The following POLD1 variants were observed in gnomAD, a reference collection of about 807,000 sequenced individuals.
POLD1 encodes the protein DNA polymerase delta 1, catalytic subunit, also known as DNA polymerase delta catalytic subunit.
A neutral mutation model predicts 129.7 loss-of-function variants in POLD1; 79 were observed. That is an observed-to-expected ratio of 0.61 (90% confidence interval 0.51 to 0.73). The LOEUF (loss-of-function observed/expected upper bound fraction) is 0.73. Ranked by LOEUF, POLD1 falls within the 30% of genes least tolerant of loss-of-function variation. The pLI is 0.00. For missense variants in POLD1, 1,338 were observed against 1,595.8 expected, an observed-to-expected ratio of 0.84 and a Z score of 2.75; for synonymous variants, 714 against 683.3, an observed-to-expected ratio of 1.04 and a Z score of -0.70.
chr19:50,391,454 G>A (rs1437740432), intron 1 of POLD1, among the ~76,000 whole-genome samples: 10 of 152,186 alleles, frequency 6.6e-5, no homozygotes, highest in African/African-American at 1.9e-4. Context: ...CCGGCACCTC[G>A]GGAGGCCCAG....
intron 26 of POLD1, 25 bp from the exon 27 acceptor site, chr19:50,417,817 A>G: frequency 6.7e-7 from 1 of 1,482,442 alleles, no homozygotes. Flanking sequence ...GCTGGTCCTG[A>G]CCCTGCCCCT....
chr19:50,415,238 G>T (rs1329713406), intron 20 of POLD1, among the ~76,000 whole-genome samples, 200 bp from the exon 21 acceptor site: 2 of 152,150 alleles, frequency 1.3e-5, no homozygotes, highest in African/African-American at 4.8e-5. Context: ...CGGTGGTGAA[G>T]CAGTGGAAAG....
At chr19:50,397,420 T>A (rs2038410640) in intron 1 of POLD1, among the ~76,000 whole-genome samples, 1 of 150,918 alleles carries the variant, frequency 6.6e-6, no homozygotes, top group African/African-American at 2.4e-5. Flanking sequence ...TTTTTTTTTT[T>A]CTGAGACGGA....
rs1194932743 is a variant in POLD1, at chr19:50,409,269, A to C, written c.2006+34A>C. ...TGGAGATCGCCTGCTTGGAGCTCAG[A>C]CCTGTTGGGGCCTCTGGGCAATCCC... On this transcript the variant is annotated intron_variant, in intron 16 of 26. Coordinates refer to ENST00000440232, the MANE Select transcript of POLD1 (RefSeq NM_002691.4). This position sits in a 1 kb window ranked among gnomAD's most constrained non-coding sequence, Gnocchi z 5.8. The C allele has an allele frequency of 2.1e-6, 3 of 1,462,434 alleles. No individual in the cohort carries two copies. Among genetic ancestry groups the C allele is most frequent in the Admixed American group, 3.4e-5 (2 of 59,058 alleles). 90.6% of individuals were successfully genotyped at this position (1,462,434 alleles called of 1,614,324 possible).
At chr19:50,407,477 T>A in intron 14 of POLD1, 62 bp downstream of exon 14, 1 of 1,120,052 alleles carries the variant, frequency 8.9e-7, no homozygotes, top group South Asian at 1.6e-5. Flanking sequence ...GGTGGGAGGA[T>A]CACTTGAGCT....
chr19:50,401,728 T>G, intron 3 of POLD1, 50 bp from the exon 4 acceptor site: 1 of 1,601,756 alleles, frequency 6.2e-7, no homozygotes, highest in Non-Finnish European at 8.5e-7. Context: ...GAGACACACC[T>G]TGGAGGACCC....
In POLD1 at chr19:50,401,541, A is replaced by C. The variant is rs1023990217; in HGVS notation, c.317-237A>C. Among the ~76,000 whole-genome samples the C allele has an allele frequency of 4.0e-5, 6 of 151,378 alleles. 1 individual carries two copies. Among genetic ancestry groups the C allele is most frequent in the African/African-American group, 1.5e-4 (6 of 41,152 alleles). Reference sequence around the variant, plus strand: ...CAGGTGTGAGTCACTGTGCACGGCCAGTTGTTTTTATCTTGTAATAAAAAA... The same window carrying C: ...CAGGTGTGAGTCACTGTGCACGGCCCGTTGTTTTTATCTTGTAATAAAAAA... On this transcript the variant is annotated intron_variant, in intron 3 of 26. Transcript: ENST00000440232.
intron 1 of POLD1, among the ~76,000 whole-genome samples, chr19:50,388,295 T>C (rs1309348280): frequency 6.6e-6 from 1 of 152,226 alleles, no homozygotes; most frequent in Non-Finnish European, 1.5e-5. Flanking sequence ...GAACTATATA[T>C]ACTTTAAATG....
intron 1 of POLD1, chr19:50,395,262 C>A (rs1364913138): frequency 1.4e-5 from 2 of 147,742 alleles, no homozygotes; most frequent in African/African-American, 5.2e-5. Flanking sequence ...TTAAAAACTT[C>A]TTTCTCTGAC....
chr19:50,384,810 C>T (rs1274774472), intron 1 of POLD1, among the ~76,000 whole-genome samples: 3 of 152,186 alleles, frequency 2.0e-5, no homozygotes, highest in Non-Finnish European at 4.4e-5. Context: ...TTTAATAGAT[C>T]AGTAAAGCAG....
chr19:50,417,681 C>G (rs1348734427), intron 26 of POLD1, among the ~76,000 whole-genome samples, 161 bp from the exon 27 acceptor site: 7 of 96,412 alleles, frequency 7.3e-5, no homozygotes, highest in African/African-American at 3.4e-4. Context: ...TCCCCCCCCC[C>G]ACCCCCCCCG....
chr19:50,409,764 G>C lies in POLD1; in HGVS notation c.2154+98G>C. 1.5e-6 allele frequency: 2 copies of C among 1,328,296 alleles called. No individual in the cohort carries two copies. The highest frequency in any genetic ancestry group is 2.8e-5 in the South Asian group (2 of 71,426). 82.3% of individuals were successfully genotyped at this position (1,328,296 alleles called of 1,614,324 possible). Reference sequence around the variant, plus strand: ...GGGGGACCTGTATCCAGAGGACTGGGCACCCCAACTCACTGGCCTTCTAGA... The same window carrying C: ...GGGGGACCTGTATCCAGAGGACTGGCCACCCCAACTCACTGGCCTTCTAGA... On this transcript the variant is annotated intron_variant, in intron 17 of 26. Transcript: ENST00000440232. This position sits in a 1 kb window ranked among gnomAD's most constrained non-coding sequence, Gnocchi z 5.8.
In POLD1 at chr19:50,398,954, G is replaced by A. The variant is rs554554906; in HGVS notation, c.103G>A (p.Glu35Lys). The A allele has an allele frequency of 1.7e-5, 27 of 1,586,164 alleles. No homozygotes were observed. Among genetic ancestry groups the A allele is most frequent in the South Asian group, 3.4e-5 (3 of 86,974 alleles). ...TGATGCACCTCGGCCATCCCAATTC[G>A]AGGAGGACCTGGCACTGATGGAGGA... ...DDDAPRPSQF[E>K]EDLALMEEME... Residue 35 changes from glutamate to lysine, a missense_variant, in exon 2 of 27, where the codon GAG (glutamate) becomes AAG (lysine). Physicochemically the swap from Glu to Lys is moderately conservative, Grantham distance 56. This residue lies in a region of POLD1 where 332 missense variants were observed against 315.7 expected (regional missense o/e 1.05). Coordinates refer to ENST00000440232, the MANE Select transcript of POLD1 (RefSeq NM_002691.4).
chr19:50,402,101 C>G lies in POLD1; in HGVS notation c.566C>G (p.Ala189Gly), dbSNP rs1555789928. The change falls in exon 5 of 27, where the codon GCT (alanine) becomes GGT (glycine). Residue 189 changes from alanine to glycine, a missense_variant. Physicochemically the swap from Ala to Gly is moderately conservative, Grantham distance 60. Coordinates refer to ENST00000440232, the MANE Select transcript of POLD1 (RefSeq NM_002691.4). ...GRELTGPAVL[A>G]VELCSRESMF... ...GAGCTGACTGGGCCGGCCGTGCTGG[C>G]TGTGGAACTGTGCTCCCGAGAGAGT... 2 of 1,613,204 alleles carry G rather than the reference C, an allele frequency of 1.2e-6. No homozygotes were observed. Among genetic ancestry groups the G allele is most frequent in the Non-Finnish European group, 1.7e-6 (2 of 1,179,512 alleles).
At position 50,403,613 on chromosome 19, in the gene POLD1, G is replaced by A; in HGVS notation, c.1242+16G>A. ...GACCCTCAAGGTGAGGGCTGGGCAG[G>A]TGGGAGGCTTCTCTCAGATGCCCCA... On this transcript the variant is annotated intron_variant, in intron 10 of 26. Coordinates refer to ENST00000440232, the MANE Select transcript of POLD1 (RefSeq NM_002691.4). The A allele has an allele frequency of 6.5e-7, 1 of 1,545,684 alleles. No homozygotes were observed. The highest frequency in any genetic ancestry group is 8.9e-7 in the Non-Finnish European group (1 of 1,117,658).
At chr19:50,403,746 G>T (rs1568623375) in intron 10 of POLD1, 149 bp downstream of exon 10, 2 of 640,364 alleles carry the variant, frequency 3.1e-6, no homozygotes, top group Non-Finnish European at 5.6e-6. Flanking sequence ...GCCTAGGCCT[G>T]GTCCTGCCCT....
intron 26 of POLD1, among the ~76,000 whole-genome samples, 155 bp from the exon 27 acceptor site, chr19:50,417,687 C>G (rs929167799): frequency 7.6e-4 from 106 of 138,944 alleles, no homozygotes; most frequent in African/African-American, 2.9e-3. Context: ...CCCCCACCCC[C>G]CCCGTGCCTG....
chr19:50,397,124 C>A (rs1290672831), intron 1 of POLD1, among the ~76,000 whole-genome samples: 2 of 149,012 alleles, frequency 1.3e-5, no homozygotes, highest in Admixed American at 6.7e-5. Flanking sequence ...ACAGGCCAGG[C>A]TTGGTGGCTC....
intron 1 of POLD1, among the ~76,000 whole-genome samples, chr19:50,386,580 C>T (rs918555089): frequency 1.3e-5 from 2 of 152,238 alleles, no homozygotes; most frequent in Non-Finnish European, 2.9e-5. Flanking sequence ...GAAAGTGGCA[C>T]AAGGCGTTGT....
Sources: gnomAD v4.1 joint callset for allele counts (sites outside exome capture counted in the v4.1 genomes callset) on GRCh38, gnomAD v4.1.1 for gene constraint, gnomAD v4.1.1 regional missense constraint, Gnocchi (gnomAD v3.1) non-coding constraint, MANE v1.5 for transcripts, NCBI Gene and HGNC (gene_info 2026-07-23, HGNC 2026-07-21) for gene names.